TTC7B: variants seen among roughly 807,000 people sequenced by gnomAD.
TTC7B encodes tetratricopeptide repeat protein 7B.
TTC7B carries 28 observed loss-of-function variants against 106.8 expected under a neutral mutation model. The observed-to-expected ratio is 0.26, with a 90% CI of 0.19 to 0.36. The LOEUF (loss-of-function observed/expected upper bound fraction) is 0.36, where lower values mean the gene tolerates loss of function less well. Ranked by LOEUF, TTC7B falls within the 10% of genes least tolerant of loss-of-function variation. The probability of loss-of-function intolerance (pLI) is 1.00; values close to 1 mark genes in which losing one functional copy is unlikely to be tolerated. For synonymous variants in TTC7B, 405 were observed against 430.6 expected, an observed-to-expected ratio of 0.94 and a Z score of 0.74; for missense variants, 862 against 1,076.4, an observed-to-expected ratio of 0.80 and a Z score of 2.79.
At chr14:90,741,443 C>G (rs943324192) in intron 4 of TTC7B, among the ~76,000 whole-genome samples, 2 of 152,186 alleles carry the variant, frequency 1.3e-5, no homozygotes, top group Non-Finnish European at 2.9e-5. Flanking sequence ...AGTTTCTTCA[C>G]TACAGAATGG....
chr14:90,705,726 C>A (rs1888178759), intron 5 of TTC7B, among the ~76,000 whole-genome samples: 1 of 152,198 alleles, frequency 6.6e-6, no homozygotes, highest in Non-Finnish European at 1.5e-5. Flanking sequence ...ACTACCCTGA[C>A]TTTTCTGGTT....
chr14:90,614,773 T>C (rs1012697021), intron 16 of TTC7B, among the ~76,000 whole-genome samples: 3 of 152,242 alleles, frequency 2.0e-5, no homozygotes, highest in Admixed American at 6.5e-5. Flanking sequence ...ATCAGTGGCC[T>C]AGTACAGTGC....
intron 1 of TTC7B, among the ~76,000 whole-genome samples, chr14:90,791,607 A>T (rs774072137): frequency 6.6e-6 from 1 of 152,076 alleles, no homozygotes; most frequent in Non-Finnish European, 1.5e-5. Context: ...TGACGATGGG[A>T]TGGGAGCAGA....
rs370026915 is a variant in TTC7B, at chr14:90,562,220, C to T, written c.2310+15886G>A. Among the ~76,000 whole-genome samples, 9 of 152,298 alleles carry T rather than the reference C, an allele frequency of 5.9e-5. No homozygotes were observed. The South Asian group carries it at 1.2e-3, about 21-fold the overall frequency. On this transcript the variant is annotated intron_variant, in intron 19 of 19. Transcript: ENST00000328459. Reference sequence around the variant, plus strand: ...GCCAACCAGACTTGCCATCACCCTTCGTTCAGTACCTTCCCCTCCCTCTGT... The same window carrying T: ...GCCAACCAGACTTGCCATCACCCTTTGTTCAGTACCTTCCCCTCCCTCTGT...
chr14:90,695,013 TTATA>T (rs1408881035), intron 6 of TTC7B, among the ~76,000 whole-genome samples: 4,586 of 104,670 alleles, frequency 0.044, 515 homozygotes, highest in East Asian at 0.11. Flanking sequence ...CATATATTTA[TTATA>T]AATATATGTA....
chr14:90,701,721 A>T (rs1276430291), intron 5 of TTC7B, among the ~76,000 whole-genome samples: 1 of 146,878 alleles, frequency 6.8e-6, no homozygotes, highest in Admixed American at 6.8e-5. Context: ...CACACACACA[A>T]ATATATATTT....
intron 4 of TTC7B, among the ~76,000 whole-genome samples, chr14:90,738,310 G>C (rs538924678): frequency 1.3e-5 from 2 of 152,224 alleles, no homozygotes; most frequent in East Asian, 3.9e-4. Context: ...ACAGCCATAG[G>C]TAGAGAAAGT....
chr14:90,814,344 C>G (rs2031062766), intron 1 of TTC7B, among the ~76,000 whole-genome samples: 2 of 152,224 alleles, frequency 1.3e-5, no homozygotes, highest in South Asian at 4.1e-4. Flanking sequence ...CTGTCATTCT[C>G]AATCACATTA....
At chr14:90,551,337 G>A (rs879455105) in intron 19 of TTC7B, among the ~76,000 whole-genome samples, 2 of 152,120 alleles carry the variant, frequency 1.3e-5, no homozygotes, top group Non-Finnish European at 2.9e-5. Flanking sequence ...CTTTCTGCTT[G>A]TCCTGTCAGG....
rs1892723431 is a variant in TTC7B at position 90,608,148 on chromosome 14, T to C, written c.1966+2594A>G. Reference sequence around the variant, plus strand: ...CATCTGCCCCTTCTTGACTGCACCATGAGCTGAACCATATGCAACTGGGCT... The same window carrying C: ...CATCTGCCCCTTCTTGACTGCACCACGAGCTGAACCATATGCAACTGGGCT... On this transcript the variant is annotated intron_variant, in intron 17 of 19. Transcript: ENST00000328459. The surrounding 1 kb of genome is among the most constrained non-coding windows in gnomAD (Gnocchi z 5.1). 6.6e-6 allele frequency among the ~76,000 whole-genome samples: 1 copy of C among 152,314 alleles called. No individual in the cohort carries two copies. Among genetic ancestry groups the C allele is most frequent in the Admixed American group, 6.5e-5 (1 of 15,300 alleles).
chr14:90,576,967 C>T (rs983297012), intron 19 of TTC7B, among the ~76,000 whole-genome samples: 1 of 152,130 alleles, frequency 6.6e-6, no homozygotes, highest in African/African-American at 2.4e-5. Flanking sequence ...GTGCTGAGAG[C>T]TTAGGGGCCT....
intron 12 of TTC7B, 71 bp downstream of exon 12, chr14:90,654,922 G>T: frequency 8.2e-7 from 1 of 1,222,568 alleles, no homozygotes; most frequent in Non-Finnish European, 1.2e-6. Context: ...GGGACTGTGG[G>T]AATCCCGCAG....
intron 5 of TTC7B, among the ~76,000 whole-genome samples, chr14:90,720,361 T>C (rs990005159): frequency 2.0e-5 from 3 of 152,128 alleles, no homozygotes; most frequent in Admixed American, 6.5e-5. Flanking sequence ...CATCCAAGAG[T>C]ATAACGATCT....
At chr14:90,625,051 T>C (rs1042095666) in intron 15 of TTC7B, among the ~76,000 whole-genome samples, 2 of 152,188 alleles carry the variant, frequency 1.3e-5, no homozygotes, top group Non-Finnish European at 2.9e-5. Flanking sequence ...GGAGTGAGGC[T>C]GGCTGTCAAA....
chr14:90,798,732 A>AAAAAAAAAAC, intron 1 of TTC7B, among the ~76,000 whole-genome samples: 1 of 147,100 alleles, frequency 6.8e-6, no homozygotes, highest in Non-Finnish European at 1.5e-5. Context: ...AAAAAAAAAA[A>AAAAAAAAAAC]CACGCAATAA....
intron 5 of TTC7B, among the ~76,000 whole-genome samples, chr14:90,711,500 C>A (rs867593997): frequency 6.6e-6 from 1 of 152,320 alleles, no homozygotes; most frequent in Middle Eastern, 3.4e-3. Context: ...CAGCTCACTG[C>A]AACCTCTGCC....
intron 19 of TTC7B, among the ~76,000 whole-genome samples, chr14:90,547,212 T>A (rs1419699844): frequency 6.6e-6 from 1 of 152,244 alleles, no homozygotes; most frequent in Non-Finnish European, 1.5e-5. Flanking sequence ...AGGTGTTTTG[T>A]ACAAATAGGA....
intron 14 of TTC7B, among the ~76,000 whole-genome samples, chr14:90,645,355 C>G (rs1052220040): frequency 6.6e-6 from 1 of 152,196 alleles, no homozygotes; most frequent in Non-Finnish European, 1.5e-5. Context: ...GGAAGAGAGA[C>G]CATTCACCCC....
intron 3 of TTC7B, among the ~76,000 whole-genome samples, chr14:90,780,121 C>T (rs950330279): frequency 6.6e-6 from 1 of 152,174 alleles, no homozygotes; most frequent in Admixed American, 6.5e-5. Flanking sequence ...GTGGCTCATG[C>T]CTGTAATCCC....
Sources: gnomAD v4.1 joint callset for allele counts (sites outside exome capture counted in the v4.1 genomes callset) on GRCh38, gnomAD v4.1.1 for gene constraint, Gnocchi (gnomAD v3.1) non-coding constraint, MANE v1.5 for transcripts, NCBI Gene and HGNC (gene_info 2026-07-23, HGNC 2026-07-21) for gene names.